Variants in VAV3 observed in about 807,000 individuals in gnomAD.
VAV3 encodes the protein guanine nucleotide exchange factor VAV3.
A neutral mutation model predicts 131.2 loss-of-function variants in VAV3; 94 were observed. The observed-to-expected ratio is 0.72, with a 90% confidence interval of 0.61 to 0.85. The LOEUF is 0.85. Ranked by LOEUF, VAV3 falls within the 40% of genes least tolerant of loss-of-function variation. The probability of loss-of-function intolerance (pLI) is 0.00; values close to 1 mark genes in which losing one functional copy is unlikely to be tolerated. For synonymous variants in VAV3, 349 were observed against 342.0 expected (o/e 1.02, Z -0.22); for missense variants, 939 against 1,002.7 (o/e 0.94, Z 0.86).
In VAV3 at chr1:107,705,053, A is replaced by G; in HGVS notation, c.1511T>C (p.Ile504Thr). The stretch of plus-strand genomic sequence containing the variant: ...ATTGGAGTCTGCATAGTCTGGTCTT[A>G]TGTTAGACCTAAAAAAAGGAAAAAA... ...LEQFEMALSNIRPDYADSNFH... is the reference protein window; with the variant it reads ...LEQFEMALSNTRPDYADSNFH... The change falls in exon 16 of 27, where the codon ATA (isoleucine) becomes ACA (threonine). Residue 504 changes from isoleucine to threonine, a missense_variant. Physicochemically the swap from Ile to Thr is moderately conservative, Grantham distance 89 (BLOSUM62 -1). Transcript: ENST00000370056. The G allele has an allele frequency of 6.2e-7, 1 of 1,605,736 alleles. No individual in the cohort carries two copies.
At chr1:107,958,929 T>C (rs1482185000) in intron 1 of VAV3, among the ~76,000 whole-genome samples, 1 of 152,128 alleles carries the variant, frequency 6.6e-6, no homozygotes, top group African/African-American at 2.4e-5. Context: ...AAGAGCTCTT[T>C]CAATAGGTAT....
At chr1:107,827,626 C>T (rs2102379210) in intron 2 of VAV3, among the ~76,000 whole-genome samples, 1 of 152,228 alleles carries the variant, frequency 6.6e-6, no homozygotes, top group Non-Finnish European at 1.5e-5. Context: ...GAATCCTTTC[C>T]AATAATGTTC....
intron 1 of VAV3, among the ~76,000 whole-genome samples, chr1:107,916,306 T>C (rs1287492346): frequency 6.6e-6 from 1 of 152,204 alleles, no homozygotes; most frequent in Non-Finnish European, 1.5e-5. Context: ...CAAATTTTTA[T>C]CAGAAAAATA....
chr1:107,737,517 C>A (rs1662729757), intron 15 of VAV3, among the ~76,000 whole-genome samples: 1 of 152,234 alleles, frequency 6.6e-6, no homozygotes, highest in East Asian at 1.9e-4. Flanking sequence ...AAGAAAAAAT[C>A]AAACAACCCA....
intron 15 of VAV3, among the ~76,000 whole-genome samples, chr1:107,720,074 G>A (rs904812808): frequency 2.0e-5 from 3 of 152,150 alleles, no homozygotes; most frequent in African/African-American, 4.8e-5. Flanking sequence ...TCGGGGGAAT[G>A]GGGCAGGGAT....
intron 2 of VAV3, among the ~76,000 whole-genome samples, chr1:107,813,118 C>CAA (rs11310564): frequency 0.16 from 21,416 of 133,004 alleles, 1,880 homozygotes; most frequent in Middle Eastern, 0.27. Context: ...GACTCCGTCT[C>CAA]AAAAAAAAAA....
chr1:107,681,755 G>A (rs943126801), intron 19 of VAV3, among the ~76,000 whole-genome samples: 25 of 150,500 alleles, frequency 1.7e-4, no homozygotes, highest in Admixed American at 1.1e-3. Context: ...CCGGGCTCAC[G>A]CCATTCTCCT....
At chr1:107,960,035 T>C (rs6689477) in intron 1 of VAV3, among the ~76,000 whole-genome samples, 16,960 of 152,198 alleles carry the variant, frequency 0.11, 1,771 homozygotes, top group African/African-American at 0.28. Context: ...TCAGAGCCTA[T>C]TCTTCCCACC....
At chr1:107,686,126 C>T (rs551898394) in intron 18 of VAV3, among the ~76,000 whole-genome samples, 4 of 151,596 alleles carry the variant, frequency 2.6e-5, no homozygotes, top group Admixed American at 6.6e-5. Context: ...CTTTCTTTCC[C>T]TCTAAAAAAA....
intron 17 of VAV3, among the ~76,000 whole-genome samples, chr1:107,691,393 C>A (rs115305181): frequency 2.1e-3 from 319 of 152,232 alleles, no homozygotes; most frequent in Middle Eastern, 6.8e-3. Context: ...CTATGGTGGG[C>A]ACTTGGATCT....
intron 1 of VAV3, among the ~76,000 whole-genome samples, chr1:107,928,249 A>G (rs1476143818): frequency 6.6e-6 from 1 of 152,006 alleles, no homozygotes; most frequent in African/African-American, 2.4e-5. Flanking sequence ...AGATCACAAC[A>G]CCCAAGTCCT....
At chr1:107,596,145 T>C (rs775943026) in intron 25 of VAV3, 67 bp downstream of exon 25, 147 of 1,567,238 alleles carry the variant, frequency 9.4e-5, no homozygotes, top group South Asian at 2.1e-4. Context: ...GGAAGGAAGA[T>C]GTTTAATGTT....
At chr1:107,740,324 C>CT (rs950589395) in intron 15 of VAV3, among the ~76,000 whole-genome samples, 11 of 151,642 alleles carry the variant, frequency 7.3e-5, no homozygotes, top group Admixed American at 6.6e-5. Context: ...ATATGGCTGA[C>CT]TACTGAATAG....
intron 1 of VAV3, among the ~76,000 whole-genome samples, chr1:107,876,963 G>T (rs957540397): frequency 6.6e-6 from 1 of 151,818 alleles, no homozygotes; most frequent in African/African-American, 2.4e-5. Flanking sequence ...TTAATTTGCA[G>T]AAAGCATATC....
chr1:107,945,471 A>G (rs1385912226), intron 1 of VAV3, among the ~76,000 whole-genome samples: 1 of 152,316 alleles, frequency 6.6e-6, no homozygotes, highest in East Asian at 1.9e-4. Context: ...ATCCCCAGGA[A>G]TCAACAGTGA....
chr1:107,779,411 T>A, intron 3 of VAV3, 23 bp downstream of exon 3: 1 of 1,568,126 alleles, frequency 6.4e-7, no homozygotes, highest in Non-Finnish European at 8.6e-7. Flanking sequence ...ATGGGACACA[T>A]GAACAACGAA....
chr1:107,926,018 G>A lies in VAV3; in HGVS notation c.204+38648C>T, dbSNP rs1459892311. On this transcript the variant is annotated intron_variant, in intron 1 of 26. Transcript: ENST00000370056. ...CAACAAGGGGCCAGGTGCGGTGGCT[G>A]CCTGTAATCTCAGCACTTTGGGAAG... Among the ~76,000 whole-genome samples, 5 of 151,890 alleles carry A rather than the reference G, an allele frequency of 3.3e-5. No homozygotes were observed. In the East Asian group the frequency reaches 5.8e-4, roughly 18 times the overall value.
intron 2 of VAV3, among the ~76,000 whole-genome samples, chr1:107,804,658 A>C (rs555580458): frequency 4.5e-4 from 68 of 152,332 alleles, no homozygotes; most frequent in Non-Finnish European, 7.1e-4. Flanking sequence ...TTCATACTAA[A>C]GTTATGAGTG....
chr1:107,574,494 AC>A, intron 25 of VAV3, among the ~76,000 whole-genome samples: 1 of 152,346 alleles, frequency 6.6e-6, no homozygotes, highest in African/African-American at 2.4e-5. Context: ...AAACAAAAAA[AC>A]AAATTAAAAA....
Sources: allele counts gnomAD v4.1 joint callset (sites outside exome capture counted in the v4.1 genomes callset), GRCh38; gene constraint gnomAD v4.1.1; transcripts MANE v1.5; gene names NCBI Gene and HGNC (gene_info 2026-07-23, HGNC 2026-07-21).